The following NIN variants were observed in gnomAD, a reference collection of about 807,000 sequenced individuals.
The protein encoded by NIN is glycogen synthase kinase 3 beta-interacting protein.
A neutral mutation model predicts 257.6 loss-of-function variants in NIN; 137 were observed. That is an observed-to-expected ratio of 0.53 (90% CI 0.46 to 0.61). NIN has a LOEUF of 0.61. Ranked by LOEUF, NIN falls within the 20% of genes least tolerant of loss-of-function variation. The pLI, the probability that NIN is intolerant of heterozygous loss-of-function variation, is 0.00. For synonymous variants in NIN, 918 were observed against 919.8 expected, an observed-to-expected ratio of 1.00 and a Z score of 0.04; for missense variants, 2,439 against 2,501.2, an observed-to-expected ratio of 0.98 and a Z score of 0.53.
chr14:50,812,880 CAACA>C (rs892668963), intron 3 of NIN, among the ~76,000 whole-genome samples: 2 of 152,176 alleles, frequency 1.3e-5, no homozygotes, highest in Non-Finnish European at 2.9e-5. Context: ...CCTCTTTTTC[CAACA>C]AACAGTCCGA....
intron 29 of NIN, among the ~76,000 whole-genome samples, chr14:50,727,904 G>GATC (rs942085743): frequency 2.6e-5 from 4 of 152,142 alleles, no homozygotes; most frequent in African/African-American, 9.7e-5. Flanking sequence ...ATGCAGAAGA[G>GATC]ATCACATCAC....
At chr14:50,758,831 C>T (rs1457067188) in intron 17 of NIN, among the ~76,000 whole-genome samples, 2 of 152,146 alleles carry the variant, frequency 1.3e-5, no homozygotes, top group African/African-American at 4.8e-5. Flanking sequence ...AGCCATAATT[C>T]ATTTAAAAGA....
At chr14:50,751,505 G>A (rs1247613308) in intron 21 of NIN, among the ~76,000 whole-genome samples, 5 of 152,082 alleles carry the variant, frequency 3.3e-5, no homozygotes, top group African/African-American at 9.7e-5. Context: ...TTTAATTTGC[G>A]TTTCTCTAAT....
At chr14:50,799,233 T>C (rs2043975248) in intron 4 of NIN, among the ~76,000 whole-genome samples, 1 of 152,184 alleles carries the variant, frequency 6.6e-6, no homozygotes, top group Non-Finnish European at 1.5e-5. Context: ...CATGAAGACT[T>C]AGTTTCCTCA....
rs541344927 is a variant in NIN at position 50,793,114 on chromosome 14, T to C, written c.266-233A>G. Among the ~76,000 whole-genome samples the C allele has an allele frequency of 5.3e-5, 8 of 152,132 alleles. No homozygotes were observed. In the South Asian group the frequency reaches 1.7e-3, roughly 32 times the overall value. On this transcript the variant is annotated intron_variant, in intron 4 of 30. Coordinates refer to ENST00000530997, the MANE Select transcript of NIN (RefSeq NM_020921.4). The stretch of plus-strand genomic sequence containing the variant: ...ATATATCTGCACATGACGGGAGCAA[T>C]CCAACAATGGCAGCAAGGGATCTGA...
chr14:50,750,826 C>T (rs914396490), intron 21 of NIN, among the ~76,000 whole-genome samples: 15 of 152,130 alleles, frequency 9.9e-5, no homozygotes, highest in Non-Finnish European at 1.8e-4. Context: ...CAGAGCTATA[C>T]GAAAAGATAA....
Position 50,755,226 on chromosome 14 carries a change from A to AT in NIN, c.4539-360dup, listed in dbSNP as rs531711610. 5.6e-4 allele frequency among the ~76,000 whole-genome samples: 85 copies of AT among 152,354 alleles called. 3 individuals carry two copies. The South Asian group carries it at 0.017, about 30-fold the overall frequency. Reference sequence around the variant, plus strand: ...CAAGTCCTACCTGTTCTGAATACACATAAGCCATGTTACAAAGCTATATTA... The same window carrying AT: ...CAAGTCCTACCTGTTCTGAATACACATTAAGCCATGTTACAAAGCTATATTA... On this transcript the variant is annotated intron_variant, in intron 18 of 30. Coordinates refer to ENST00000530997, the MANE Select transcript of NIN (RefSeq NM_020921.4).
chr14:50,758,563 G>C lies in NIN; in HGVS notation c.2467C>G (p.Gln823Glu), dbSNP rs1377194132. ...QIEAQFQSDC[Q>E]KVTERCESAL... ...CTTTCACACCTCTCAGTGACTTTCT[G>C]ACAATCAGACTGAAACTGGGCTTCT... The change falls in exon 18 of 31, where the codon CAG (glutamine) becomes GAG (glutamate). Residue 823 changes from glutamine to glutamate, a missense_variant. By Grantham distance (29) the Gln-to-Glu change is conservative. Around this residue, in one of 3 missense-constraint regions of NIN, gnomAD observed 2,043 missense variants for 2,050.2 expected, o/e 1.00. Coordinates refer to ENST00000530997, the MANE Select transcript of NIN (RefSeq NM_020921.4). 6.2e-7 allele frequency: 1 copy of C among 1,611,122 alleles called. No individual in the cohort carries two copies. The highest frequency in any genetic ancestry group is 1.1e-5 in the South Asian group (1 of 90,552).
rs115376870 is a variant in NIN, at chr14:50,729,450, T to C, written c.6078+73A>G. On this transcript the variant is annotated intron_variant, in intron 29 of 30. Coordinates refer to ENST00000530997, the MANE Select transcript of NIN (RefSeq NM_020921.4). ...AGATTTAGGTTCTTTCTCTCCACCTTTGAACTGGTATAACTTTCAAATAAA... is the reference window on the plus strand; with the variant it reads ...AGATTTAGGTTCTTTCTCTCCACCTCTGAACTGGTATAACTTTCAAATAAA... 1.4e-3 allele frequency: 2,049 copies of C among 1,428,114 alleles called. 24 individuals carry two copies. The African/African-American group carries it at 0.025, about 18-fold the overall frequency. 88.5% of individuals were successfully genotyped at this position (1,428,114 alleles called of 1,614,324 possible).
At position 50,739,384 on chromosome 14, in the gene NIN, A is replaced by G. The variant is rs370486148; in HGVS notation, c.5552T>C (p.Leu1851Pro). 2 of 1,614,126 alleles carry G rather than the reference A, an allele frequency of 1.2e-6. No individual in the cohort carries two copies. The highest frequency in any genetic ancestry group is 1.7e-6 in the Non-Finnish European group (2 of 1,180,052). ...GAGCCTCTCATTCTCTTGCCAAAGCAGCTGCTGTTCCTCATTCATCAGATG... is the reference window on the plus strand; with the variant it reads ...GAGCCTCTCATTCTCTTGCCAAAGCGGCTGCTGTTCCTCATTCATCAGATG... ...LDHLMNEEQQ[L>P]LWQENERLQT... The change falls in exon 26 of 31, where the codon CTG becomes CCG. Residue 1851 changes from leucine to proline, a missense_variant. Around this residue, in one of 3 missense-constraint regions of NIN, gnomAD observed 2,043 missense variants for 2,050.2 expected, o/e 1.00. Coordinates refer to ENST00000530997, the MANE Select transcript of NIN (RefSeq NM_020921.4).
intron 4 of NIN, among the ~76,000 whole-genome samples, chr14:50,803,263 G>T (rs541623987): frequency 1.2e-3 from 186 of 152,314 alleles, no homozygotes; most frequent in Non-Finnish European, 1.6e-3. Flanking sequence ...CTGAGGCAGA[G>T]AATTGCTTGA....
intron 24 of NIN, among the ~76,000 whole-genome samples, chr14:50,743,032 T>G (rs1306953753): frequency 6.6e-6 from 1 of 152,138 alleles, no homozygotes; most frequent in Non-Finnish European, 1.5e-5. Flanking sequence ...AGCATGATCT[T>G]GGCTCACTGC....
rs2141805230 is a variant in NIN at position 50,771,068 on chromosome 14, G to A, written c.1119-76C>T. On this transcript the variant is annotated intron_variant, in intron 10 of 30. Coordinates refer to ENST00000530997, the MANE Select transcript of NIN (RefSeq NM_020921.4). ...GTAGACCCAGAAAAGCTCTCATCTG[G>A]CTTGCATCAATACAGAAGCAAAACC... 2.0e-6 allele frequency: 3 copies of A among 1,523,076 alleles called. No homozygotes were observed. In the Admixed American group the frequency reaches 5.9e-5, roughly 30 times the overall value. 94.3% of individuals were successfully genotyped at this position (1,523,076 alleles called of 1,614,324 possible).
In NIN at chr14:50,721,093, C is replaced by G. The variant is rs566907381; in HGVS notation, c.*2370G>C. ...AATTGCCAACTAAATTATAAATTGCCACTCACCTTCTCAAAAATTGTTGCA... is the reference window on the plus strand; with the variant it reads ...AATTGCCAACTAAATTATAAATTGCGACTCACCTTCTCAAAAATTGTTGCA... On this transcript the variant is annotated 3_prime_UTR_variant, in exon 31 of 31. Coordinates refer to ENST00000530997, the MANE Select transcript of NIN (RefSeq NM_020921.4). 3 of 196,174 alleles carry G rather than the reference C, an allele frequency of 1.5e-5. No individual in the cohort carries two copies. The highest frequency in any genetic ancestry group is 6.9e-5 in the African/African-American group (3 of 43,434). The allele number at this position is 196,174 out of a possible 1,614,324, so 12.2% of individuals were successfully genotyped here.
At chr14:50,788,830 T>C (rs1026054243) in intron 5 of NIN, among the ~76,000 whole-genome samples, 7 of 152,240 alleles carry the variant, frequency 4.6e-5, no homozygotes, top group African/African-American at 1.7e-4. Flanking sequence ...TATTATTTGA[T>C]GCAACCTAGA....
At chr14:50,816,802 G>A (rs1311432330) in intron 3 of NIN, among the ~76,000 whole-genome samples, 1 of 152,176 alleles carries the variant, frequency 6.6e-6, no homozygotes. Context: ...CGGTAGAAGA[G>A]AATGGCCATT....
At chr14:50,777,182 A>C in intron 6 of NIN, 43 bp from the exon 7 acceptor site, 1 of 1,461,534 alleles carries the variant, frequency 6.8e-7, no homozygotes, top group Non-Finnish European at 9.3e-7. Flanking sequence ...AAGGAATTGC[A>C]AAGAGAGAGT....
intron 12 of NIN, among the ~76,000 whole-genome samples, chr14:50,767,684 G>A (rs8013191): frequency 0.19 from 28,527 of 151,804 alleles, 3,341 homozygotes; most frequent in East Asian, 0.34. Context: ...AGGTGTGGTG[G>A]CGGGCGCCTG....
intron 12 of NIN, among the ~76,000 whole-genome samples, chr14:50,767,804 A>C (rs373136163): frequency 9.3e-5 from 14 of 151,090 alleles, no homozygotes; most frequent in African/African-American, 1.7e-4. Context: ...GCGACACAGC[A>C]AGACTCCATC....
Sources: gnomAD v4.1 joint callset for allele counts (sites outside exome capture counted in the v4.1 genomes callset) on GRCh38, gnomAD v4.1.1 for gene constraint, gnomAD v4.1.1 regional missense constraint, MANE v1.5 for transcripts, NCBI Gene and HGNC (gene_info 2026-07-23, HGNC 2026-07-21) for gene names.